KANK1: variants seen among roughly 807,000 people sequenced by gnomAD.
The protein encoded by KANK1 is KN motif and ankyrin repeat domains 1, also known as KN motif and ankyrin repeat domain-containing protein 1.
Under a neutral mutation model 106.2 loss-of-function variants are expected in KANK1, and 109 were observed. The ratio of observed to expected loss-of-function variants is 1.03; its 90% confidence interval spans 0.88 to 1.20. KANK1 has a LOEUF of 1.20. Among genes scored for constraint, KANK1 ranks in the 50% most tolerant of loss-of-function variants. KANK1 has a pLI of 0.00. For synonymous variants in KANK1, 873 were observed against 652.2 expected, an observed-to-expected ratio of 1.34 and a Z score of -5.16; for missense variants, 2,399 against 1,710.7, an observed-to-expected ratio of 1.40 and a Z score of -7.10.
rs116603251 is a variant in KANK1 at position 647,767 on chromosome 9, A to G, written c.-83-29123A>G. Among the ~76,000 whole-genome samples, 794 of 150,786 alleles carry G rather than the reference A, an allele frequency of 5.3e-3. 67 individuals carry two copies. Among genetic ancestry groups the G allele is most frequent in the African/African-American group, 0.019 (756 of 40,164 alleles). On this transcript the variant is annotated intron_variant, in intron 1 of 11. Transcript: ENST00000382297. ...CTAAAGAAAGTGCCAAACAACCTCA[A>G]TTCTTCTGGCTCACACTTATATATA...
intron 2 of KANK1, among the ~76,000 whole-genome samples, chr9:700,350 A>G (rs1367947435): frequency 6.6e-6 from 1 of 152,204 alleles, no homozygotes; most frequent in Non-Finnish European, 1.5e-5. Context: ...CTGGGTCTCA[A>G]AGAGCTTAGT....
At chr9:569,912 G>C (rs1172341002) in intron 1 of KANK1, among the ~76,000 whole-genome samples, 1 of 151,682 alleles carries the variant, frequency 6.6e-6, no homozygotes, top group Non-Finnish European at 1.5e-5. Flanking sequence ...ACCTTCATCA[G>C]ATTCCGTAAC....
chr9:677,302 C>G (rs141690740), intron 2 of KANK1, among the ~76,000 whole-genome samples: 4 of 152,242 alleles, frequency 2.6e-5, no homozygotes, highest in African/African-American at 7.2e-5. Flanking sequence ...AATGTATACT[C>G]CTCTTGCACT....
chr9:570,743 T>C (rs1199391323), intron 1 of KANK1, among the ~76,000 whole-genome samples: 1 of 152,210 alleles, frequency 6.6e-6, no homozygotes, highest in African/African-American at 2.4e-5. Context: ...TGCATGCTAA[T>C]TAGATAATGC....
intron 1 of KANK1, chr9:549,795 CACGCA>C (rs1351885732): frequency 1.3e-5 from 2 of 152,264 alleles, no homozygotes; most frequent in African/African-American, 4.8e-5. Context: ...CGTAAATCCT[CACGCA>C]GGTGGCGGTT....
At chr9:723,115 CAG>C (rs1829786686) in intron 3 of KANK1, among the ~76,000 whole-genome samples, 1 of 151,936 alleles carries the variant, frequency 6.6e-6, no homozygotes, top group South Asian at 2.1e-4. Flanking sequence ...TCCCTACTCA[CAG>C]AGTTGGAGTA....
intron 3 of KANK1, among the ~76,000 whole-genome samples, chr9:726,821 A>G (rs368603922): frequency 2.8e-4 from 42 of 152,064 alleles, no homozygotes; most frequent in African/African-American, 9.9e-4. Context: ...TTAGCCAGGC[A>G]TGGTGGCAGG....
intron 1 of KANK1, chr9:540,526 A>C (rs928455687): frequency 6.6e-6 from 1 of 152,222 alleles, no homozygotes; most frequent in Non-Finnish European, 1.5e-5. Context: ...CTGGCCTTGC[A>C]AAATGAGTTT....
chr9:492,916 C>T (rs1447957952), intron 3 of KANK1, among the ~76,000 whole-genome samples: 4 of 150,840 alleles, frequency 2.7e-5, no homozygotes, highest in African/African-American at 4.9e-5. Flanking sequence ...CCCAGCTACT[C>T]GGGAGGCTGA....
chr9:664,888 C>G (rs1458693868), intron 1 of KANK1, among the ~76,000 whole-genome samples: 2 of 152,138 alleles, frequency 1.3e-5, no homozygotes, highest in African/African-American at 2.4e-5. Context: ...GAGATTATAC[C>G]TCATCGTGGT....
At chr9:627,305 C>G in intron 1 of KANK1, among the ~76,000 whole-genome samples, 1 of 152,096 alleles carries the variant, frequency 6.6e-6, no homozygotes, top group Admixed American at 6.5e-5. Context: ...ATTTGAGTAC[C>G]CAGGGCTACC....
intron 1 of KANK1, among the ~76,000 whole-genome samples, chr9:544,265 C>T (rs1460920099): frequency 6.6e-6 from 1 of 152,014 alleles, no homozygotes; most frequent in Admixed American, 6.6e-5. Flanking sequence ...AAGCAAGCCA[C>T]CCCCCACTTG....
intron 1 of KANK1, among the ~76,000 whole-genome samples, chr9:627,361 T>C (rs1339254229): frequency 7.1e-6 from 1 of 141,522 alleles, no homozygotes; most frequent in Non-Finnish European, 1.5e-5. Context: ...GATTTCTCAC[T>C]CCTAGCCACA....
At chr9:473,956 C>G (rs1021628466) in intron 3 of KANK1, among the ~76,000 whole-genome samples, 3 of 148,406 alleles carry the variant, frequency 2.0e-5, no homozygotes, top group African/African-American at 7.9e-5. Flanking sequence ...CCTCGGCCTC[C>G]CAAAGTTCTG....
chr9:535,224 G>A (rs1444695362), intron 1 of KANK1, among the ~76,000 whole-genome samples: 1 of 152,112 alleles, frequency 6.6e-6, no homozygotes, highest in African/African-American at 2.4e-5. Context: ...TATGTCCCTT[G>A]CTTTTGGAAT....
intron 1 of KANK1, among the ~76,000 whole-genome samples, chr9:537,841 G>A (rs1349417895): frequency 6.6e-6 from 1 of 152,178 alleles, no homozygotes; most frequent in African/African-American, 2.4e-5. Context: ...TAGTGCTGAG[G>A]TGGAGAACTC....
At chr9:535,463 T>C (rs911261849) in intron 1 of KANK1, among the ~76,000 whole-genome samples, 1 of 152,250 alleles carries the variant, frequency 6.6e-6, no homozygotes, top group African/African-American at 2.4e-5. Context: ...TACTGGGCAC[T>C]GTACTGTGAG....
chr9:589,685 AT>A (rs1454320607), intron 1 of KANK1, among the ~76,000 whole-genome samples: 2 of 152,170 alleles, frequency 1.3e-5, no homozygotes, highest in African/African-American at 2.4e-5. Flanking sequence ...GACACAGGTG[AT>A]TTGAAATAGA....
chr9:738,537 T>G, intron 8 of KANK1, 33 bp downstream of exon 8: 2 of 1,538,092 alleles, frequency 1.3e-6, no homozygotes, highest in Non-Finnish European at 1.8e-6. Flanking sequence ...CTCTCTTCTC[T>G]AACAGTACTT....
Sources: allele counts gnomAD v4.1 joint callset (sites outside exome capture counted in the v4.1 genomes callset), GRCh38; gene constraint gnomAD v4.1.1; transcripts MANE v1.5; gene names NCBI Gene and HGNC (gene_info 2026-07-23, HGNC 2026-07-21).